AFTPH: variants seen among roughly 807,000 people sequenced by gnomAD.
AFTPH encodes the protein aftiphilin.
Under a neutral mutation model 72.5 loss-of-function variants are expected in AFTPH, and 7 were observed. The ratio of observed to expected loss-of-function variants is 0.10; its 90% CI spans 0.05 to 0.18. AFTPH has a LOEUF of 0.18. Among genes scored for constraint, AFTPH ranks in the 10% least tolerant of loss-of-function variants. AFTPH has a pLI of 1.00. For synonymous variants in AFTPH, 337 were observed against 370.1 expected, an observed-to-expected ratio of 0.91 and a Z score of 1.03; for missense variants, 979 against 1,060.5, an observed-to-expected ratio of 0.92 and a Z score of 1.07.
At chr2:64,571,934 G>A (rs571945675) in intron 5 of AFTPH, among the ~76,000 whole-genome samples, 2 of 152,142 alleles carry the variant, frequency 1.3e-5, no homozygotes, top group African/African-American at 4.8e-5. Context: ...AAGCATATTA[G>A]GCCGGGCGTG....
chr2:64,584,609 T>TC (rs1673392763), intron 7 of AFTPH, among the ~76,000 whole-genome samples: 1 of 149,758 alleles, frequency 6.7e-6, no homozygotes, highest in South Asian at 2.1e-4. Context: ...TTTTTTTTTT[T>TC]TTTTTGAGAC....
intron 7 of AFTPH, 99 bp downstream of exon 8, chr2:64,581,372 C>A: frequency 2.2e-6 from 2 of 923,890 alleles, no homozygotes; most frequent in Non-Finnish European, 1.6e-6. Flanking sequence ...AGATTGTATT[C>A]TCTATAATGT....
chr2:64,526,669 C>T (rs1430572084), intron 1 of AFTPH, among the ~76,000 whole-genome samples: 7 of 152,088 alleles, frequency 4.6e-5, no homozygotes, highest in Non-Finnish European at 8.8e-5. Flanking sequence ...TTTTACATAT[C>T]TCATTTTGCT....
chr2:64,548,656 CAA>C lies in AFTPH; in HGVS notation c.-32-2786_-32-2785del, dbSNP rs150537069. On this transcript the variant is annotated intron_variant, in intron 1 of 8. Transcript: ENST00000238856. ...GTTCCTTTCCCCACATTCTCATTAA[CAA>C]TCGCAAAGTGATTTTAAATAATAGG... Among the ~76,000 whole-genome samples, 1,093 of 152,188 alleles carry C rather than the reference CAA, an allele frequency of 7.2e-3. 14 individuals are homozygous for C. Among genetic ancestry groups the C allele is most frequent in the African/African-American group, 0.025 (1,058 of 41,532 alleles).
At chr2:64,524,723 G>C (rs1669140971) in intron 1 of AFTPH, 111 bp downstream of exon 1, 1 of 376,272 alleles carries the variant, frequency 2.7e-6, no homozygotes, top group Admixed American at 4.6e-5. Flanking sequence ...TGCCCGCCGC[G>C]GAGCCGGGAG....
chr2:64,532,647 C>A (rs1473065364), intron 1 of AFTPH, among the ~76,000 whole-genome samples: 1 of 152,178 alleles, frequency 6.6e-6, no homozygotes, highest in African/African-American at 2.4e-5. Context: ...GGGAAGAGAG[C>A]TTGAGCTCTG....
At chr2:64,572,923 A>G in intron 5 of AFTPH, 23 bp from the exon 6 acceptor site, 2 of 1,613,780 alleles carry the variant, frequency 1.2e-6, no homozygotes, top group Non-Finnish European at 1.7e-6. Flanking sequence ...CATCCCCATT[A>G]AAGGCTAATA....
Position 64,553,425 on chromosome 2 carries a change from C to T in AFTPH, c.1935+16C>T, listed in dbSNP as rs1311752206. The T allele has an allele frequency of 1.3e-6, 2 of 1,539,592 alleles. No homozygotes were observed. The highest frequency in any genetic ancestry group is 2.3e-5 in the East Asian group (1 of 44,288). On this transcript the variant is annotated intron_variant, in intron 2 of 8. Coordinates refer to ENST00000238856, the Ensembl canonical transcript of AFTPH. The stretch of plus-strand genomic sequence containing the variant: ...TTCAGTTCAGGTATTTACTAATTTT[C>T]TCTATTTTGTATGATGTATTAATTG...
intron 1 of AFTPH, among the ~76,000 whole-genome samples, chr2:64,533,632 G>A (rs1669743969): frequency 1.3e-5 from 2 of 151,954 alleles, no homozygotes; most frequent in Admixed American, 1.3e-4. Flanking sequence ...TATGAGACTT[G>A]GAAAGGAAAA....
At chr2:64,588,079 G>T (rs938353100) in intron 8 of AFTPH, among the ~76,000 whole-genome samples, 1 of 152,070 alleles carries the variant, frequency 6.6e-6, no homozygotes, top group Non-Finnish European at 1.5e-5. Flanking sequence ...ACCCCAAAAA[G>T]AAACCCTGTA....
chr2:64,563,320 A>G (rs556716045), intron 2 of AFTPH, among the ~76,000 whole-genome samples: 1 of 152,290 alleles, frequency 6.6e-6, no homozygotes, highest in East Asian at 1.9e-4. Context: ...TAATATATGT[A>G]CCCCCAAAAA....
rs181782933 is a variant in AFTPH at position 64,584,787 on chromosome 2, G to A, written c.2456-635G>A. Among the ~76,000 whole-genome samples, 683 of 151,992 alleles carry A rather than the reference G, an allele frequency of 4.5e-3. 2 individuals are homozygous for A. The highest frequency in any genetic ancestry group is 7.3e-3 in the Non-Finnish European group (495 of 67,958). On this transcript the variant is annotated intron_variant, in intron 7 of 8. Transcript: ENST00000238856. ...AATTTTTTGTATTTTTAGTAGAGAC[G>A]GGGTTTCACCGTTTTAGCCAGGACG...
At chr2:64,590,023 TAGTC>T (rs1356061291) in intron 8 of AFTPH, among the ~76,000 whole-genome samples, 4 of 151,760 alleles carry the variant, frequency 2.6e-5, no homozygotes, top group Non-Finnish European at 5.9e-5. Context: ...GACCTAGTCT[TAGTC>T]AGTGATCTCT....
chr2:64,553,434 G>A, intron 2 of AFTPH, 25 bp downstream of exon 2: 4 of 1,529,158 alleles, frequency 2.6e-6, no homozygotes, highest in Non-Finnish European at 3.5e-6. Context: ...TCTCTATTTT[G>A]TATGATGTAT....
At chr2:64,543,620 G>T (rs1468506611) in intron 1 of AFTPH, among the ~76,000 whole-genome samples, 1 of 152,154 alleles carries the variant, frequency 6.6e-6, no homozygotes, top group Non-Finnish European at 1.5e-5. Flanking sequence ...ATCATTTGTT[G>T]AAGAGTCTAT....
At chr2:64,553,631 A>G (rs1471043285) in intron 2 of AFTPH, among the ~76,000 whole-genome samples, 1 of 151,722 alleles carries the variant, frequency 6.6e-6, no homozygotes, top group African/African-American at 2.4e-5. Context: ...TCTTTATCTC[A>G]ATGAGTTTCG....
At chr2:64,566,336 A>AACT (rs1220366240) in intron 2 of AFTPH, among the ~76,000 whole-genome samples, 1 of 152,174 alleles carries the variant, frequency 6.6e-6, no homozygotes. Flanking sequence ...ACAAAAGAGT[A>AACT]CCCTAAGACT....
chr2:64,579,359 A>T (rs978092994), intron 6 of AFTPH, 127 bp from the exon 7 acceptor site: 12 of 619,322 alleles, frequency 1.9e-5, no homozygotes, highest in Non-Finnish European at 3.2e-5. Context: ...GAAATTGTAA[A>T]TTATCCCAAT....
At chr2:64,583,539 C>A (rs189356316) in intron 7 of AFTPH, among the ~76,000 whole-genome samples, 1 of 152,044 alleles carries the variant, frequency 6.6e-6, no homozygotes, top group South Asian at 2.1e-4. Context: ...CTAGCACTTA[C>A]CTATTGCCAG....
Sources: allele counts gnomAD v4.1 joint callset (sites outside exome capture counted in the v4.1 genomes callset), GRCh38; gene constraint gnomAD v4.1.1; transcripts MANE v1.5; gene names NCBI Gene and HGNC (gene_info 2026-07-23, HGNC 2026-07-21).